The following RYR1 variants were observed in gnomAD, a reference collection of about 807,000 sequenced individuals.
RYR1 encodes the protein ryanodine receptor 1.
A neutral mutation model predicts 583.5 loss-of-function variants in RYR1; 342 were observed. The ratio of observed to expected loss-of-function variants is 0.59; its 90% CI spans 0.54 to 0.64. The LOEUF (loss-of-function observed/expected upper bound fraction) is 0.64, where lower values mean the gene tolerates loss of function less well. Among genes scored for constraint, RYR1 ranks in the 30% least tolerant of loss-of-function variants. The pLI is 0.00. For missense variants in RYR1, 6,032 were observed against 6,917.2 expected, an observed-to-expected ratio of 0.87 and a Z score of 4.54; for synonymous variants, 2,791 against 2,822.5, an observed-to-expected ratio of 0.99 and a Z score of 0.35.
intron 49 of RYR1, among the ~76,000 whole-genome samples, chr19:38,503,285 G>T (rs1283989195): frequency 6.6e-6 from 1 of 152,092 alleles, no homozygotes; most frequent in East Asian, 1.9e-4. Context: ...ATGTTTATTT[G>T]CATGCCTGGA....
rs1568453246 is a variant in RYR1 at position 38,459,339 on chromosome 19, G to GT, written c.2360+2dup. ...TTGTCAGCTTCTCGGCTGGTGTCAA[G>GT]TGAGAACTTGCCCCCACCCCACGGC... On this transcript the variant is annotated splice_donor_variant, in intron 19 of 105. Coordinates refer to ENST00000359596, the MANE Select transcript of RYR1 (RefSeq NM_000540.3). LOFTEE classifies it high-confidence loss of function. The GT allele has an allele frequency of 6.2e-7, 1 of 1,613,946 alleles. No homozygotes were observed. The highest frequency in any genetic ancestry group is 8.5e-7 in the Non-Finnish European group (1 of 1,179,966).
At chr19:38,532,888 C>CT (rs1971805710) in intron 78 of RYR1, 152 bp downstream of exon 78, 1 of 763,990 alleles carries the variant, frequency 1.3e-6, no homozygotes, top group African/African-American at 1.7e-5. Flanking sequence ...ACCCGCCAAA[C>CT]TAACACCACG....
At chr19:38,466,594 T>G (rs1968123498) in intron 24 of RYR1, among the ~76,000 whole-genome samples, 196 bp downstream of exon 24, 1 of 150,464 alleles carries the variant, frequency 6.6e-6, no homozygotes, top group Non-Finnish European at 1.5e-5. Flanking sequence ...CTCCACCTCC[T>G]GGGTTCACAC....
At chr19:38,494,738 GTC>G in intron 39 of RYR1, 113 bp downstream of exon 39, 2 of 1,338,752 alleles carry the variant, frequency 1.5e-6, no homozygotes, top group Non-Finnish European at 2.1e-6. Context: ...GGTGATCTCA[GTC>G]TCTCGATGGC....
At position 38,510,573 on chromosome 19, in the gene RYR1, G is replaced by A; in HGVS notation, c.9000+8G>A. The A allele has an allele frequency of 6.2e-7, 1 of 1,614,158 alleles. No individual in the cohort carries two copies. Among genetic ancestry groups the A allele is most frequent in the South Asian group, 1.1e-5 (1 of 91,080 alleles). The stretch of plus-strand genomic sequence containing the variant: ...ATTAAATTCTTTGCCAAGGTGAGAG[G>A]TGGGCTTAGAAGCTGGAGGGCGCTG... On this transcript the variant is annotated splice_region_variant and intron_variant, in intron 59 of 105. Transcript: ENST00000359596.
In RYR1 at chr19:38,490,727, A is replaced by T; in HGVS notation, c.6122A>T (p.His2041Leu). The T allele has an allele frequency of 1.2e-6, 2 of 1,608,186 alleles. No homozygotes were observed. Among genetic ancestry groups the T allele is most frequent in the Non-Finnish European group, 1.7e-6 (2 of 1,174,488 alleles). ...GACTTTCATCAAGACCTGCTGGCAC[A>T]CTGTGGTAAGGAGTGGGGATCAGAG... ...LLDFHQDLLAHCGIQLDGEEE... is the reference protein window; with the variant it reads ...LLDFHQDLLALCGIQLDGEEE... The change falls in exon 37 of 106, where the codon CAC (histidine) becomes CTC (leucine). Residue 2041 changes from histidine to leucine, a missense_variant. By Grantham distance (99) the His-to-Leu change is moderately conservative. This residue lies in a region of RYR1 where 2,627 missense variants were observed against 2,961.3 expected (regional missense o/e 0.89). Transcript: ENST00000359596.
At chr19:38,580,215 G>T (rs1779261539) in intron 100 of RYR1, 87 bp downstream of exon 100, 8 of 1,604,128 alleles carry the variant, frequency 5.0e-6, no homozygotes, top group Non-Finnish European at 6.8e-6. Flanking sequence ...GGGCAGCTGG[G>T]CTGAGGAGGG....
chr19:38,457,930 C>A, intron 17 of RYR1, 121 bp from the exon 18 acceptor site: 1 of 1,050,428 alleles, frequency 9.5e-7, no homozygotes, highest in Non-Finnish European at 1.5e-6. Context: ...GTCTTTCTCC[C>A]TGTCTCTCTC....
rs1398981300 is a variant in RYR1 at position 38,574,303 on chromosome 19, AAAG to A, written c.14129+999_14129+1001del. Among the ~76,000 whole-genome samples the A allele has an allele frequency of 2.4e-4, 36 of 151,600 alleles. No homozygotes were observed. The East Asian group carries it at 6.8e-3, about 29-fold the overall frequency. On this transcript the variant is annotated intron_variant, in intron 96 of 105. Coordinates refer to ENST00000359596, the MANE Select transcript of RYR1 (RefSeq NM_000540.3). ...AAAAGAAAAAGAAAGGAAAAAAAAA[AAAG>A]AAAGAAAAGAAATCATTAGGGGCCC...
In RYR1 at chr19:38,500,159, C is replaced by T. The variant is rs1056145339; in HGVS notation, c.7323+143C>T. On this transcript the variant is annotated intron_variant, in intron 45 of 105. Coordinates refer to ENST00000359596, the MANE Select transcript of RYR1 (RefSeq NM_000540.3). This position sits in a 1 kb window ranked among gnomAD's most constrained non-coding sequence, Gnocchi z 5.9. ...GCAATGTTGGGGACACAACAGTGACCAAGACAGCCCCAGGGCCTGGTCTCA... is the reference window on the plus strand; with the variant it reads ...GCAATGTTGGGGACACAACAGTGACTAAGACAGCCCCAGGGCCTGGTCTCA... The T allele has an allele frequency of 7.7e-6, 6 of 775,184 alleles. No homozygotes were observed. Among genetic ancestry groups the T allele is most frequent in the Admixed American group, 4.0e-5 (2 of 49,816 alleles). The allele number at this position is 775,184 out of a possible 1,614,324, so 48.0% of individuals were successfully genotyped here.
At position 38,490,106 on chromosome 19, in the gene RYR1, C is replaced by T. The variant is rs1969484637; in HGVS notation, c.5845C>T (p.Gln1949Ter). ...MCHLLEYFCD[Q>*]ELQHRVESLA... Reference sequence around the variant, plus strand: ...CCACCTGCTGGAGTATTTCTGTGACCAAGAGCTGCAGCACCGTGTGGAGTC... The same window carrying T: ...CCACCTGCTGGAGTATTTCTGTGACTAAGAGCTGCAGCACCGTGTGGAGTC... The change falls in exon 36 of 106, where the codon CAA (glutamine) becomes TAA (stop). Residue 1949 changes from glutamine to a stop codon, truncating the protein, a stop_gained. Transcript: ENST00000359596. LOFTEE classifies it high-confidence loss of function. The T allele has an allele frequency of 1.2e-6, 2 of 1,614,044 alleles. No individual in the cohort carries two copies. The highest frequency in any genetic ancestry group is 1.7e-6 in the Non-Finnish European group (2 of 1,180,052).
intron 90 of RYR1, among the ~76,000 whole-genome samples, chr19:38,563,704 T>C (rs2145839315): frequency 6.6e-6 from 1 of 152,348 alleles, no homozygotes; most frequent in Middle Eastern, 3.4e-3. Context: ...TCCAGAGAGT[T>C]AATTCAAAAT....
chr19:38,565,443 G>T lies in RYR1; in HGVS notation c.13109G>T (p.Gly4370Val). The T allele has an allele frequency of 6.7e-7, 1 of 1,495,974 alleles. No homozygotes were observed. Among genetic ancestry groups the T allele is most frequent in the Non-Finnish European group, 8.8e-7 (1 of 1,130,040 alleles). 92.7% of individuals were successfully genotyped at this position (1,495,974 alleles called of 1,614,324 possible). A position where few individuals can be genotyped will look rare whatever the true frequency, so the allele number is the denominator to read the frequency against. ...GSLFGGGLVEGAKKVTVTELL... is the reference protein window; with the variant it reads ...GSLFGGGLVEVAKKVTVTELL... ...CTGTTCGGCGGCGGCCTGGTGGAGG[G>T]CGCCAAGAAGGTGACGGTGACCGAG... Residue 4370 changes from glycine to valine, a missense_variant, in exon 91 of 106, where the codon GGC (glycine) becomes GTC (valine). Transcript: ENST00000359596. This position sits in a 1 kb window ranked among gnomAD's most constrained non-coding sequence, Gnocchi z 4.7.
chr19:38,528,287 C>T lies in RYR1; in HGVS notation c.10825-19C>T, dbSNP rs1013102618. 1.4e-5 allele frequency: 22 copies of T among 1,602,464 alleles called. No homozygotes were observed. Among genetic ancestry groups the T allele is most frequent in the Admixed American group, 1.2e-4 (7 of 59,948 alleles). On this transcript the variant is annotated intron_variant, in intron 73 of 105. Transcript: ENST00000359596. ...GGGCAGGGTCTGGGGATGTGACTGT[C>T]CTGCTATCCCCTCCCCAGACCGAGC...
In RYR1 at chr19:38,523,205, T is replaced by C. The variant is rs1360025776; in HGVS notation, c.10348-12T>C. The C allele has an allele frequency of 6.2e-7, 1 of 1,614,184 alleles. No homozygotes were observed. The highest frequency in any genetic ancestry group is 8.5e-7 in the Non-Finnish European group (1 of 1,180,030). On this transcript the variant is annotated splice_polypyrimidine_tract_variant and intron_variant, in intron 68 of 105. Transcript: ENST00000359596. ...TCACCTGTCCGGTCTGCAACACTGC[T>C]TCCCCCACCAGAACTTCAAGCGCGA...
intron 99 of RYR1, among the ~76,000 whole-genome samples, chr19:38,579,050 G>A (rs1434356575): frequency 6.6e-6 from 1 of 152,062 alleles, no homozygotes; most frequent in East Asian, 1.9e-4. Flanking sequence ...GAGCCCAGGA[G>A]GCAGAGGTTT....
chr19:38,585,947 T>C lies in RYR1; in HGVS notation c.14813T>C (p.Ile4938Thr), dbSNP rs111657878. 6.2e-7 allele frequency: 1 copy of C among 1,613,926 alleles called. No homozygotes were observed. Among genetic ancestry groups the C allele is most frequent in the Non-Finnish European group, 8.5e-7 (1 of 1,179,954 alleles). The change falls in exon 103 of 106, where the codon ATC becomes ACC. Residue 4938 changes from isoleucine to threonine, a missense_variant. By Grantham distance (89) the Ile-to-Thr change is moderately conservative. Transcript: ENST00000359596. ...ILLAIIQGLIIDAFGELRDQQ... is the reference protein window; with the variant it reads ...ILLAIIQGLITDAFGELRDQQ... Reference sequence around the variant, plus strand: ...TGTCCTGCCACCCCAGGTCTGATCATCGACGCTTTTGGTGAGCTCCGAGAC... The same window carrying C: ...TGTCCTGCCACCCCAGGTCTGATCACCGACGCTTTTGGTGAGCTCCGAGAC...
chr19:38,471,698 C>T (rs907038961), intron 27 of RYR1, among the ~76,000 whole-genome samples: 5 of 151,840 alleles, frequency 3.3e-5, no homozygotes, highest in Admixed American at 2.0e-4. Context: ...GTCAGGAGTT[C>T]GAGACCAGCC....
At chr19:38,452,235 G>C (rs144603876) in intron 12 of RYR1, among the ~76,000 whole-genome samples, 279 of 151,328 alleles carry the variant, frequency 1.8e-3, no homozygotes, top group African/African-American at 6.6e-3. Context: ...CCAGGAGTTC[G>C]AGACCAGCCT....
Sources: gnomAD v4.1 joint callset for allele counts (sites outside exome capture counted in the v4.1 genomes callset) on GRCh38, gnomAD v4.1.1 for gene constraint, gnomAD v4.1.1 regional missense constraint, Gnocchi (gnomAD v3.1) non-coding constraint, MANE v1.5 for transcripts, NCBI Gene and HGNC (gene_info 2026-07-23, HGNC 2026-07-21) for gene names.